Variants in RNF123 observed in about 807,000 individuals in gnomAD.
RNF123 encodes ring finger protein 123.
A neutral mutation model predicts 168.5 loss-of-function variants in RNF123; 86 were observed. That is an observed-to-expected ratio of 0.51 (90% CI 0.43 to 0.61). The LOEUF is 0.61. Among genes scored for constraint, RNF123 ranks in the 20% least tolerant of loss-of-function variants. RNF123 has a pLI of 0.00. For missense variants in RNF123, 1,419 were observed against 1,729.7 expected, an observed-to-expected ratio of 0.82 and a Z score of 3.19; for synonymous variants, 666 against 689.1, an observed-to-expected ratio of 0.97 and a Z score of 0.52.
chr3:49,713,837 C>G lies in RNF123; in HGVS notation c.2837+12C>G. 3 of 1,613,218 alleles carry G rather than the reference C, an allele frequency of 1.9e-6. No homozygotes were observed. Among genetic ancestry groups the G allele is most frequent in the Middle Eastern group, 1.7e-4 (1 of 6,004 alleles). On this transcript the variant is annotated intron_variant, in intron 29 of 38. Coordinates refer to ENST00000327697, the MANE Select transcript of RNF123 (RefSeq NM_022064.5). The stretch of plus-strand genomic sequence containing the variant: ...ATCCCCGAGGAGCAGTGAGTGGGGC[C>G]TGGGGGGCACACACCCTGGCCACAA...
At position 49,702,120 on chromosome 3, in the gene RNF123, G is replaced by T. The variant is rs755004124; in HGVS notation, c.1533G>T (p.Leu511=). The T allele has an allele frequency of 1.2e-6, 2 of 1,614,066 alleles. No individual in the cohort carries two copies. The highest frequency in any genetic ancestry group is 2.7e-5 in the African/African-American group (2 of 74,926). ...TACAGGTCCAGATCCTGAAGCTGCTGCTGGACAATAAAGATGACAATGGGG... is the reference window on the plus strand; with the variant it reads ...TACAGGTCCAGATCCTGAAGCTGCTTCTGGACAATAAAGATGACAATGGGG... ...EELQVQILKL[L]LDNKDDNGGE... The change falls in exon 18 of 39, where the codon CTG becomes CTT. Residue 511 remains leucine, a synonymous_variant. Transcript: ENST00000327697.
chr3:49,714,258 T>A, intron 31 of RNF123, 84 bp downstream of exon 31: 1 of 1,235,128 alleles, frequency 8.1e-7, no homozygotes, highest in Non-Finnish European at 1.2e-6. Context: ...GACTCTCCAC[T>A]TCTTCCAGCC....
chr3:49,715,867 C>G lies in RNF123; in HGVS notation c.3196C>G (p.Arg1066Gly). ...ERLERNFVDS[R>G]QLKVCATCFD... ...CCTGGAGCGGAACTTTGTGGACAGC[C>G]GGCAGCTCAAGGTATGTGCCACCTG... Residue 1066 changes from arginine (R) to glycine (G), a missense_variant, in exon 33 of 39, where the codon CGG (arginine) becomes GGG (glycine). This residue lies in a region of RNF123 where 538 missense variants were observed against 708.8 expected (regional missense o/e 0.76). Transcript: ENST00000327697. 6.2e-7 allele frequency: 1 copy of G among 1,614,012 alleles called. No homozygotes were observed. Among genetic ancestry groups the G allele is most frequent in the Non-Finnish European group, 8.5e-7 (1 of 1,180,028 alleles).
chr3:49,715,106 C>T (rs2080214060), intron 31 of RNF123, among the ~76,000 whole-genome samples: 1 of 152,254 alleles, frequency 6.6e-6, no homozygotes, highest in Non-Finnish European at 1.5e-5. Flanking sequence ...TGGTGCCCAC[C>T]ACCTCGGCCA....
chr3:49,718,108 T>C, intron 35 of RNF123: 1 of 1,613,588 alleles, frequency 6.2e-7, no homozygotes, highest in Non-Finnish European at 8.5e-7. Flanking sequence ...AAAGACTACG[T>C]GCTTGTGGAC....
chr3:49,691,141 A>G lies in RNF123; in HGVS notation c.-25A>G, dbSNP rs2054153634. On this transcript the variant is annotated 5_prime_UTR_variant, in exon 2 of 39. Transcript: ENST00000327697. ...TGTGTCTGGCTCAGCCCCCAGGACC[A>G]CTGGCTGCCCATGAGAGATGAAGGA... 6.2e-7 allele frequency: 1 copy of G among 1,610,576 alleles called. No homozygotes were observed. Among genetic ancestry groups the G allele is most frequent in the Non-Finnish European group, 8.5e-7 (1 of 1,177,204 alleles).
chr3:49,713,623 G>A (rs761223228), intron 28 of RNF123, 36 bp downstream of exon 28: 2 of 1,600,322 alleles, frequency 1.2e-6, no homozygotes, highest in South Asian at 1.1e-5. Context: ...GGGGGAGGGG[G>A]ATGGGATGGC....
intron 23 of RNF123, 43 bp from the exon 24 acceptor site, chr3:49,705,491 C>T (rs543257415): frequency 9.1e-6 from 14 of 1,538,390 alleles, no homozygotes; most frequent in African/African-American, 4.2e-5. Flanking sequence ...TCAGGAGAGC[C>T]GGGATGGCCC....
At chr3:49,701,461 C>T (rs1425978035) in intron 15 of RNF123, 30 bp from the exon 16 acceptor site, 1 of 1,583,116 alleles carries the variant, frequency 6.3e-7, no homozygotes, top group Admixed American at 1.7e-5. Context: ...TGCCCTTTGG[C>T]AAGCAGAGCC....
chr3:49,705,154 G>A lies in RNF123; in HGVS notation c.2130G>A (p.Leu710=), dbSNP rs778126744. 6.2e-7 allele frequency: 1 copy of A among 1,606,462 alleles called. No homozygotes were observed. Among genetic ancestry groups the A allele is most frequent in the East Asian group, 2.2e-5 (1 of 44,514 alleles). ...CGGAGAAAGTGAAGGTCCGCACGCT[G>A]AGCGTGGAGCAGAGGACCCGTGAGG... ...STSEKVKVRT[L]SVEQRTREDI... is the part of the protein sequence containing the mutation. Residue 710 remains leucine (L), a synonymous_variant, in exon 23 of 39, where the codon CTG becomes CTA. Coordinates refer to ENST00000327697, the MANE Select transcript of RNF123 (RefSeq NM_022064.5).
At chr3:49,690,232 T>G (rs553827670) in intron 1 of RNF123, among the ~76,000 whole-genome samples, 19 of 152,324 alleles carry the variant, frequency 1.2e-4, no homozygotes, top group African/African-American at 4.6e-4. Context: ...TAATAGAACT[T>G]TATATGATGG....
intron 26 of RNF123, among the ~76,000 whole-genome samples, chr3:49,711,009 G>A (rs2080134171): frequency 6.6e-6 from 1 of 152,124 alleles, no homozygotes; most frequent in Non-Finnish European, 1.5e-5. Context: ...GAAGCGGGAG[G>A]ATCACTTGAA....
intron 26 of RNF123, among the ~76,000 whole-genome samples, chr3:49,709,825 G>A (rs1429227710): frequency 4.6e-5 from 7 of 151,922 alleles, no homozygotes; most frequent in African/African-American, 1.2e-4. Flanking sequence ...CGCCTGCCTC[G>A]GCTTCCCAAA....
intron 3 of RNF123, among the ~76,000 whole-genome samples, chr3:49,695,083 TG>T (rs1397381994): frequency 2.0e-5 from 3 of 152,196 alleles, no homozygotes; most frequent in Non-Finnish European, 2.9e-5. Context: ...ACACGACTTT[TG>T]GGGTCAGGTA....
intron 9 of RNF123, 63 bp downstream of exon 9, chr3:49,698,885 T>A: frequency 1.1e-5 from 18 of 1,605,892 alleles, no homozygotes; most frequent in Non-Finnish European, 1.5e-5. Flanking sequence ...GCCCCCAGTT[T>A]CCTGGGCCCT....
intron 29 of RNF123, 36 bp from the exon 30 acceptor site, chr3:49,713,874 A>G: frequency 6.2e-7 from 1 of 1,613,236 alleles, no homozygotes; most frequent in Non-Finnish European, 8.5e-7. Context: ...CACCATGCCC[A>G]GCCTCACCCC....
chr3:49,691,175 A>G lies in RNF123; in HGVS notation c.10A>G (p.Lys4Glu), dbSNP rs138920124. Reference protein sequence around the residue: MASKGAGMSFSRKS... With the variant: MASEGAGMSFSRKS... Reference sequence around the variant, plus strand: ...CCATGAGAGATGAAGGATGGCATCCAAGGGGGCCGGCATGTCTTTCTCCCG... The same window carrying G: ...CCATGAGAGATGAAGGATGGCATCCGAGGGGGCCGGCATGTCTTTCTCCCG... The change falls in exon 2 of 39, where the codon AAG becomes GAG. Residue 4 changes from lysine to glutamate, a missense_variant. By Grantham distance (56) the Lys-to-Glu change is moderately conservative. Around this residue, in one of 5 missense-constraint regions of RNF123, gnomAD observed 318 missense variants for 446.6 expected, o/e 0.71. Coordinates refer to ENST00000327697, the MANE Select transcript of RNF123 (RefSeq NM_022064.5). 3.1e-5 allele frequency: 50 copies of G among 1,613,710 alleles called. No individual in the cohort carries two copies. The highest frequency in any genetic ancestry group is 1.7e-4 in the Middle Eastern group (1 of 6,048).
chr3:49,712,918 C>T (rs1322269535), intron 27 of RNF123: 2 of 703,340 alleles, frequency 2.8e-6, no homozygotes, highest in South Asian at 3.0e-5. Flanking sequence ...TTGGCTTTCA[C>T]TTCCTTCCTA....
Position 49,720,670 on chromosome 3 carries a change from G to A in RNF123, c.3643+17G>A. The A allele has an allele frequency of 6.3e-7, 1 of 1,595,196 alleles. No individual in the cohort carries two copies. Among genetic ancestry groups the A allele is most frequent in the Non-Finnish European group, 8.6e-7 (1 of 1,166,182 alleles). On this transcript the variant is annotated intron_variant, in intron 36 of 38. Coordinates refer to ENST00000327697, the MANE Select transcript of RNF123 (RefSeq NM_022064.5). ...TGCAGAGCTGTGAGTGGGCTGGTGG[G>A]GCAGGTCAGGGAAATCTGGGGCTGG...
Sources: gnomAD v4.1 joint callset for allele counts (sites outside exome capture counted in the v4.1 genomes callset) on GRCh38, gnomAD v4.1.1 for gene constraint, gnomAD v4.1.1 regional missense constraint, MANE v1.5 for transcripts, NCBI Gene and HGNC (gene_info 2026-07-23, HGNC 2026-07-21) for gene names.